The following S100Z variants were observed in gnomAD, a reference collection of about 807,000 sequenced individuals.
S100Z encodes the protein S100 calcium binding protein Z.
In S100Z, 11 loss-of-function variants were observed where a neutral mutation model predicts 8.5. That is an observed-to-expected ratio of 1.30 (90% CI 0.82 to 2.15). The LOEUF (loss-of-function observed/expected upper bound fraction) is 2.15. Ranked by LOEUF, S100Z falls within the 30% of genes most tolerant of loss-of-function variation. The pLI is 0.00. For missense variants in S100Z, 126 were observed against 117.9 expected (o/e 1.07, Z -0.32); for synonymous variants, 34 against 43.8 (o/e 0.78, Z 0.89).
At position 76,877,802 on chromosome 5, in the gene S100Z, T is replaced by G. The variant is rs775076460; in HGVS notation, c.270T>G (p.Phe90Leu). Residue 90 changes from phenylalanine to leucine, a missense_variant, in exon 4 of 5, where the codon TTT (phenylalanine) becomes TTG (leucine). Transcript: ENST00000317593. ...TGACAGTTGCTTGTAATGATTACTT[T>G]GTAGAACAATTGAAGAAGAAAGGAA... is the stretch of plus-strand genomic sequence containing the variant. ...AALTVACNDY[F>L]VEQLKKKGK is the part of the protein sequence containing the mutation. 6.2e-7 allele frequency: 1 copy of G among 1,613,466 alleles called. No homozygotes were observed. Among genetic ancestry groups the G allele is most frequent in the Non-Finnish European group, 8.5e-7 (1 of 1,179,460 alleles).
intron 2 of S100Z, among the ~76,000 whole-genome samples, chr5:76,872,465 C>T (rs923161629): frequency 3.0e-4 from 46 of 151,796 alleles, no homozygotes; most frequent in African/African-American, 1.1e-3. Context: ...AGTTTGACAC[C>T]AGCCTGGGAA....
chr5:76,945,396 C>CAAAAG, the S100Z span, among the ~76,000 whole-genome samples: 1 of 152,144 alleles, frequency 6.6e-6, no homozygotes, highest in East Asian at 1.9e-4. Flanking sequence ...GGAGGATTAG[C>CAAAAG]AAAAGAGGAA....
chr5:76,930,722 T>C, the S100Z span, among the ~76,000 whole-genome samples: 1 of 152,200 alleles, frequency 6.6e-6, no homozygotes, highest in South Asian at 2.1e-4. Context: ...CTCTGTTCTA[T>C]TGATCACTGG....
the S100Z span, among the ~76,000 whole-genome samples, chr5:76,932,480 A>G: frequency 1.3e-5 from 2 of 152,110 alleles, no homozygotes; most frequent in Admixed American, 6.6e-5. Flanking sequence ...CAGCCTCCCA[A>G]GTAGCAAGGA....
At chr5:76,920,460 A>G (rs189616851) in intron 4 of S100Z, among the ~76,000 whole-genome samples, 1 of 152,292 alleles carries the variant, frequency 6.6e-6, no homozygotes, top group East Asian at 1.9e-4. Context: ...TGCATAGCAT[A>G]ATGGTATACA....
chr5:76,932,737 A>T, the S100Z span, among the ~76,000 whole-genome samples: 1 of 152,152 alleles, frequency 6.6e-6, no homozygotes, highest in Admixed American at 6.5e-5. Flanking sequence ...TGAATGACTT[A>T]GTCATTACCT....
the S100Z span, among the ~76,000 whole-genome samples, chr5:76,938,250 T>G: frequency 6.6e-6 from 1 of 152,184 alleles, no homozygotes; most frequent in Non-Finnish European, 1.5e-5. Context: ...GGACCCTTTG[T>G]GGAAAGGTAG....
chr5:76,860,703 C>T (rs1252306706), intron 1 of S100Z, among the ~76,000 whole-genome samples: 1 of 151,866 alleles, frequency 6.6e-6, no homozygotes, highest in Non-Finnish European at 1.5e-5. Flanking sequence ...AGTTAAAAGC[C>T]TATTATTAAT....
chr5:76,876,660 T>A (rs1348560563), intron 3 of S100Z, among the ~76,000 whole-genome samples: 1 of 152,212 alleles, frequency 6.6e-6, no homozygotes, highest in African/African-American at 2.4e-5. Context: ...CGTGAGCCAC[T>A]GTGTGGGGCC....
intron 4 of S100Z, among the ~76,000 whole-genome samples, chr5:76,895,765 C>CTTTTTT (rs57723242): frequency 6.8e-5 from 6 of 88,338 alleles, no homozygotes; most frequent in African/African-American, 1.1e-4. Flanking sequence ...TCTTTTCTTC[C>CTTTTTT]TTTTTTTTTT....
At chr5:76,897,770 C>G (rs1042002424) in intron 4 of S100Z, among the ~76,000 whole-genome samples, 13 of 151,548 alleles carry the variant, frequency 8.6e-5, no homozygotes, top group Admixed American at 7.9e-4. Context: ...TTTTAAATTT[C>G]TTTTTTTTGC....
intron 4 of S100Z, among the ~76,000 whole-genome samples, chr5:76,881,934 A>G (rs1245295647): frequency 3.3e-5 from 5 of 152,216 alleles, no homozygotes; most frequent in African/African-American, 1.2e-4. Context: ...AAGAGTTTTT[A>G]TTAAAGAGGC....
intron 1 of S100Z, among the ~76,000 whole-genome samples, chr5:76,856,376 T>A (rs1214147003): frequency 6.6e-6 from 1 of 152,158 alleles, no homozygotes; most frequent in Non-Finnish European, 1.5e-5. Context: ...ATGTTTGTAT[T>A]TTTAGTAGAG....
chr5:76,898,585 G>T (rs896627285), intron 4 of S100Z, among the ~76,000 whole-genome samples: 1 of 152,086 alleles, frequency 6.6e-6, no homozygotes, highest in African/African-American at 2.4e-5. Flanking sequence ...CCTTCATTTT[G>T]TTGACATGAT....
intron 2 of S100Z, among the ~76,000 whole-genome samples, chr5:76,871,062 T>G (rs1337897480): frequency 2.0e-5 from 3 of 152,122 alleles, no homozygotes; most frequent in African/African-American, 7.2e-5. Context: ...ATTCCAGGCC[T>G]TGATGGGAAG....
At chr5:76,901,796 C>T (rs1744241015) in intron 4 of S100Z, among the ~76,000 whole-genome samples, 1 of 152,178 alleles carries the variant, frequency 6.6e-6, no homozygotes, top group Non-Finnish European at 1.5e-5. Flanking sequence ...TCCATAGCCA[C>T]CACAGCTGGG....
the S100Z span, among the ~76,000 whole-genome samples, chr5:76,936,616 TACACAC>T: frequency 5.8e-4 from 78 of 134,138 alleles, no homozygotes; most frequent in South Asian, 8.0e-4. Context: ...TTAAAGTTCC[TACACAC>T]ACACACACAC....
At chr5:76,932,769 T>G in the S100Z span, among the ~76,000 whole-genome samples, 1 of 109,308 alleles carries the variant, frequency 9.1e-6, no homozygotes, top group Non-Finnish European at 2.0e-5. Flanking sequence ...AATTCATTTA[T>G]TTTTTCATCA....
intron 4 of S100Z, among the ~76,000 whole-genome samples, chr5:76,896,011 C>T (rs1314282577): frequency 1.3e-5 from 2 of 152,068 alleles, no homozygotes; most frequent in Admixed American, 6.6e-5. Context: ...GATCCACTTG[C>T]CTCGGCCTCT....
Sources: gnomAD v4.1 joint callset for allele counts (sites outside exome capture counted in the v4.1 genomes callset) on GRCh38, gnomAD v4.1.1 for gene constraint, MANE v1.5 for transcripts, NCBI Gene and HGNC (gene_info 2026-07-23, HGNC 2026-07-21) for gene names.